Variants in PABPC4L observed in about 807,000 individuals in gnomAD.
PABPC4L encodes the protein polyadenylate-binding protein 4-like.
For synonymous variants in PABPC4L, 169 were observed against 164.1 expected (o/e 1.03, Z -0.23); for missense variants, 452 against 451.4 (o/e 1.00, Z -0.01).
At chr4:134,117,426 C>T in the PABPC4L span, among the ~76,000 whole-genome samples, 1 of 151,686 alleles carries the variant, frequency 6.6e-6, no homozygotes, top group Non-Finnish European at 1.5e-5. Flanking sequence ...TAAAAATATC[C>T]AGGCAGCCAC....
At chr4:133,987,217 T>G in the PABPC4L span, among the ~76,000 whole-genome samples, 1 of 152,174 alleles carries the variant, frequency 6.6e-6, no homozygotes, top group Non-Finnish European at 1.5e-5. Context: ...TGTTACTTAT[T>G]ATGGATGCAT....
At chr4:134,099,167 G>T in the PABPC4L span, among the ~76,000 whole-genome samples, 1 of 151,546 alleles carries the variant, frequency 6.6e-6, no homozygotes, top group African/African-American at 2.4e-5. Context: ...ATAATATTCC[G>T]TAATATTTTA....
chr4:134,137,690 C>T, the PABPC4L span, among the ~76,000 whole-genome samples: 1 of 151,804 alleles, frequency 6.6e-6, no homozygotes, highest in Non-Finnish European at 1.5e-5. Flanking sequence ...GCCGAGAAAA[C>T]CTTGATGGCT....
At chr4:134,013,259 A>G in the PABPC4L span, among the ~76,000 whole-genome samples, 1 of 151,554 alleles carries the variant, frequency 6.6e-6, no homozygotes, top group African/African-American at 2.4e-5. Context: ...CTGCACCCCA[A>G]TCCCTTATTT....
chr4:134,181,516 C>G, the PABPC4L span, among the ~76,000 whole-genome samples: 1 of 151,816 alleles, frequency 6.6e-6, no homozygotes, highest in Non-Finnish European at 1.5e-5. Context: ...GATATCTTAG[C>G]CAAAGTAATC....
chr4:134,016,824 C>G, the PABPC4L span, among the ~76,000 whole-genome samples: 1,767 of 152,250 alleles, frequency 0.012, 23 homozygotes, highest in Non-Finnish European at 0.021. Context: ...TATTCTACTA[C>G]CCCTCAGGGA....
the PABPC4L span, among the ~76,000 whole-genome samples, chr4:133,954,326 G>A: frequency 6.6e-6 from 1 of 152,120 alleles, no homozygotes; most frequent in Non-Finnish European, 1.5e-5. Context: ...ACATGGGGAC[G>A]AATTACCTGA....
the PABPC4L span, among the ~76,000 whole-genome samples, chr4:134,000,071 T>C: frequency 2.6e-5 from 4 of 152,268 alleles, no homozygotes; most frequent in South Asian, 8.3e-4. Context: ...TTCGTGAAGA[T>C]TCACATGTGT....
the PABPC4L span, among the ~76,000 whole-genome samples, chr4:134,160,924 T>C: frequency 6.6e-6 from 1 of 151,640 alleles, no homozygotes; most frequent in Admixed American, 6.6e-5. Flanking sequence ...AAATATAACA[T>C]CACCAAATGG....
chr4:134,119,561 AT>A, the PABPC4L span, among the ~76,000 whole-genome samples: 2 of 151,708 alleles, frequency 1.3e-5, no homozygotes, highest in African/African-American at 4.8e-5. Flanking sequence ...ATGCCAGTGT[AT>A]TTTTTATGTA....
the PABPC4L span, among the ~76,000 whole-genome samples, chr4:134,170,584 A>G: frequency 6.6e-6 from 1 of 152,088 alleles, no homozygotes; most frequent in Non-Finnish European, 1.5e-5. Context: ...AAGGTGCCTC[A>G]CATGGTGGAA....
the PABPC4L span, among the ~76,000 whole-genome samples, chr4:134,098,855 G>GT: frequency 7.4e-4 from 112 of 151,740 alleles, no homozygotes; most frequent in African/African-American, 2.6e-3. Context: ...TGAAGATTTT[G>GT]TTTCGAGAAG....
chr4:133,995,809 C>T, the PABPC4L span, among the ~76,000 whole-genome samples: 2 of 152,152 alleles, frequency 1.3e-5, no homozygotes, highest in Admixed American at 6.5e-5. Context: ...TTCTGCCTTC[C>T]AGAGGAGATA....
the PABPC4L span, among the ~76,000 whole-genome samples, chr4:134,063,126 C>T: frequency 6.6e-6 from 1 of 151,938 alleles, no homozygotes; most frequent in South Asian, 2.1e-4. Context: ...AGACCAAGGT[C>T]CAGGAAAGAA....
At chr4:134,194,571 T>A (rs1224683177), downstream of PABPC4L, among the ~76,000 whole-genome samples, 1 of 151,824 alleles carries the variant, frequency 6.6e-6, no homozygotes, top group African/African-American at 2.4e-5. Flanking sequence ...CACTGAGAAT[T>A]CTGAAACAAA....
At chr4:133,968,326 G>A in the PABPC4L span, among the ~76,000 whole-genome samples, 2 of 152,096 alleles carry the variant, frequency 1.3e-5, no homozygotes, top group African/African-American at 4.8e-5. Flanking sequence ...AGACAGACTG[G>A]GAAAAAACAT....
the PABPC4L span, among the ~76,000 whole-genome samples, chr4:133,976,373 G>A: frequency 5.3e-5 from 8 of 152,084 alleles, no homozygotes; most frequent in Non-Finnish European, 2.9e-5. Context: ...CATTTGGGTT[G>A]ATTCCATGTC....
At chr4:134,048,220 A>C in the PABPC4L span, among the ~76,000 whole-genome samples, 1 of 152,148 alleles carries the variant, frequency 6.6e-6, no homozygotes, top group Non-Finnish European at 1.5e-5. Flanking sequence ...AAAATAAACT[A>C]ATAAATATAC....
At chr4:134,024,647 G>T in the PABPC4L span, among the ~76,000 whole-genome samples, 2 of 151,908 alleles carry the variant, frequency 1.3e-5, no homozygotes. Context: ...GATATTGGGG[G>T]TTATAGGCTT....
Sources: gnomAD v4.1 joint callset for allele counts (sites outside exome capture counted in the v4.1 genomes callset) on GRCh38, gnomAD v4.1.1 for gene constraint, MANE v1.5 for transcripts, NCBI Gene and HGNC (gene_info 2026-07-23, HGNC 2026-07-21) for gene names.